Variants in FUT9 observed in about 807,000 individuals in gnomAD.
FUT9 encodes the protein 4-galactosyl-N-acetylglucosaminide 3-alpha-L-fucosyltransferase 9.
Under a neutral mutation model 29.7 loss-of-function variants are expected in FUT9, and 15 were observed. That is an observed-to-expected ratio of 0.51 (90% CI 0.34 to 0.78). The LOEUF (loss-of-function observed/expected upper bound fraction) is 0.78, where lower values mean the gene tolerates loss of function less well. Ranked by LOEUF, FUT9 falls within the 30% of genes least tolerant of loss-of-function variation. The pLI, the probability that FUT9 is intolerant of heterozygous loss-of-function variation, is 0.01. For synonymous variants in FUT9, 169 were observed against 153.7 expected, an observed-to-expected ratio of 1.10 and a Z score of -0.74; for missense variants, 319 against 425.4, an observed-to-expected ratio of 0.75 and a Z score of 2.20.
At chr6:96,174,951 A>T (rs1156996243) in intron 2 of FUT9, among the ~76,000 whole-genome samples, 1 of 152,164 alleles carries the variant, frequency 6.6e-6, no homozygotes, top group African/African-American at 2.4e-5. Flanking sequence ...TAAAGCATTC[A>T]TCTATCCCAA....
At chr6:96,163,147 A>G (rs1772944032) in intron 2 of FUT9, among the ~76,000 whole-genome samples, 1 of 152,216 alleles carries the variant, frequency 6.6e-6, no homozygotes, top group Non-Finnish European at 1.5e-5. Context: ...CCTAGTTCAC[A>G]ATCAGCTTCA....
At chr6:96,034,449 T>C (rs1282353383) in intron 1 of FUT9, among the ~76,000 whole-genome samples, 1 of 151,572 alleles carries the variant, frequency 6.6e-6, no homozygotes, top group Non-Finnish European at 1.5e-5. Flanking sequence ...AATAAAGCAA[T>C]ACCAAAATGG....
Position 96,208,327 on chromosome 6 carries a change from C to G in FUT9, c.*4092C>G, listed in dbSNP as rs1773872920. The G allele has an allele frequency of 6.0e-6, 1 of 166,450 alleles. No individual in the cohort carries two copies. The highest frequency in any genetic ancestry group is 1.5e-5 in the Non-Finnish European group (1 of 67,924). The allele number at this position is 166,450 out of a possible 1,614,324, so 10.3% of individuals were successfully genotyped here. On this transcript the variant is annotated 3_prime_UTR_variant, in exon 3 of 3. Transcript: ENST00000302103. Reference sequence around the variant, plus strand: ...CAAATTTCAGGTCCTTACCTTATGACTGTGTTTGATCATATCTTTGAGTTC... The same window carrying G: ...CAAATTTCAGGTCCTTACCTTATGAGTGTGTTTGATCATATCTTTGAGTTC...
intron 1 of FUT9, among the ~76,000 whole-genome samples, chr6:96,034,895 G>T (rs543019289): frequency 1.5e-4 from 22 of 151,638 alleles, no homozygotes; most frequent in Non-Finnish European, 2.8e-4. Context: ...TGGAACAATG[G>T]CCTATTACAA....
chr6:96,176,612 A>G (rs927731741), intron 2 of FUT9, among the ~76,000 whole-genome samples: 4 of 152,156 alleles, frequency 2.6e-5, no homozygotes, highest in Admixed American at 2.6e-4. Context: ...TTGCTTTTTC[A>G]TTCGCCCAGA....
At chr6:96,060,513 T>G (rs9498925) in intron 1 of FUT9, among the ~76,000 whole-genome samples, 1 of 151,304 alleles carries the variant, frequency 6.6e-6, no homozygotes, top group African/African-American at 2.4e-5. Context: ...ATCTGTAACA[T>G]TAAGCATAAC....
chr6:96,200,207 C>G (rs1437831221), intron 2 of FUT9, among the ~76,000 whole-genome samples: 1 of 151,904 alleles, frequency 6.6e-6, no homozygotes, highest in Admixed American at 6.6e-5. Context: ...TAATAAGTGC[C>G]ATATATATGT....
chr6:96,041,240 A>G (rs1770454346), intron 1 of FUT9, among the ~76,000 whole-genome samples: 1 of 151,914 alleles, frequency 6.6e-6, no homozygotes, highest in Non-Finnish European at 1.5e-5. Flanking sequence ...TGCCTGATAC[A>G]CAATAAAATA....
intron 1 of FUT9, among the ~76,000 whole-genome samples, chr6:96,017,763 A>G (rs768427913): frequency 6.6e-5 from 10 of 152,146 alleles, no homozygotes; most frequent in Non-Finnish European, 1.3e-4. Flanking sequence ...TATTATCACT[A>G]TAATTTGAGG....
intron 1 of FUT9, among the ~76,000 whole-genome samples, chr6:96,104,924 C>T (rs1276588484): frequency 1.3e-5 from 2 of 152,130 alleles, no homozygotes; most frequent in African/African-American, 4.8e-5. Context: ...TTCCAAAATA[C>T]ATTCTAAGTG....
chr6:96,111,538 GAAACACAC>G (rs1771806002), intron 1 of FUT9, among the ~76,000 whole-genome samples: 2 of 92,942 alleles, frequency 2.2e-5, no homozygotes, highest in Non-Finnish European at 4.2e-5. Context: ...CATGATTTGG[GAAACACAC>G]ACACACACAC....
intron 2 of FUT9, among the ~76,000 whole-genome samples, chr6:96,172,743 C>T (rs552854943): frequency 6.6e-6 from 1 of 152,188 alleles, no homozygotes; most frequent in African/African-American, 2.4e-5. Flanking sequence ...AGATTGTCTG[C>T]ACAATACATT....
At chr6:96,107,764 T>C (rs910523689) in intron 1 of FUT9, among the ~76,000 whole-genome samples, 4 of 152,192 alleles carry the variant, frequency 2.6e-5, no homozygotes, top group African/African-American at 9.6e-5. Context: ...GAACAGACTA[T>C]ATCATTCAAG....
Position 96,206,351 on chromosome 6 carries a change from GAC to G in FUT9, c.*2118_*2119del, listed in dbSNP as rs1487501595. The G allele has an allele frequency of 6.0e-6, 1 of 167,022 alleles. No homozygotes were observed. Among genetic ancestry groups the G allele is most frequent in the Non-Finnish European group, 1.5e-5 (1 of 68,114 alleles). 10.3% of individuals were successfully genotyped at this position (167,022 alleles called of 1,614,324 possible). On this transcript the variant is annotated 3_prime_UTR_variant, in exon 3 of 3. Transcript: ENST00000302103. ...CCATCCATATTTAATTAATTGGTAAGACAGTCAAATTCATACATTTACATTTA... is the reference window on the plus strand; with the variant it reads ...CCATCCATATTTAATTAATTGGTAAGAGTCAAATTCATACATTTACATTTA...
chr6:96,122,991 G>C (rs9485738), intron 2 of FUT9, among the ~76,000 whole-genome samples: 2 of 149,234 alleles, frequency 1.3e-5, no homozygotes, highest in East Asian at 2.0e-4. Context: ...ACCCAGAAGG[G>C]GGAGCTTGCA....
chr6:96,155,004 A>G (rs1772749399), intron 2 of FUT9, among the ~76,000 whole-genome samples: 1 of 152,162 alleles, frequency 6.6e-6, no homozygotes, highest in Admixed American at 6.5e-5. Context: ...CAGTTACCCA[A>G]ACTTTCTTAA....
In FUT9 at chr6:96,211,943, T is replaced by C. The variant is rs890602671; in HGVS notation, c.*7708T>C. On this transcript the variant is annotated 3_prime_UTR_variant, in exon 3 of 3. Transcript: ENST00000302103. ...AGTTGTGTAAGTAAAGTAAGTTAAG[T>C]TATAGCTTGCTGGAATTTTATTGTG... The C allele has an allele frequency of 1.4e-4, 58 of 408,540 alleles. No homozygotes were observed. The highest frequency in any genetic ancestry group is 1.9e-4 in the Non-Finnish European group (43 of 223,350). 25.3% of individuals were successfully genotyped at this position (408,540 alleles called of 1,614,324 possible).
chr6:96,032,571 T>C lies in FUT9; in HGVS notation c.-98+16359T>C, dbSNP rs544819922. Among the ~76,000 whole-genome samples the C allele has an allele frequency of 4.0e-5, 6 of 151,756 alleles. No homozygotes were observed. The East Asian group carries it at 1.2e-3, about 29-fold the overall frequency. The stretch of plus-strand genomic sequence containing the variant: ...CTTCTTTAAATTTTACTCTCCTAGA[T>C]ACCTAGTTGAAAAATATTCTTTGAA... On this transcript the variant is annotated intron_variant, in intron 1 of 2. Transcript: ENST00000302103.
intron 1 of FUT9, among the ~76,000 whole-genome samples, chr6:96,100,755 G>C (rs1382957820): frequency 6.6e-6 from 1 of 152,126 alleles, no homozygotes; most frequent in Non-Finnish European, 1.5e-5. Flanking sequence ...TGAACAGTTT[G>C]ACCTTTGGAA....
Sources: gnomAD v4.1 joint callset for allele counts (sites outside exome capture counted in the v4.1 genomes callset) on GRCh38, gnomAD v4.1.1 for gene constraint, MANE v1.5 for transcripts, NCBI Gene and HGNC (gene_info 2026-07-23, HGNC 2026-07-21) for gene names.